The following ARSG variants were observed in gnomAD, a reference collection of about 807,000 sequenced individuals.
ARSG encodes arylsulfatase G.
A neutral mutation model predicts 50.5 loss-of-function variants in ARSG; 37 were observed. The ratio of observed to expected loss-of-function variants is 0.73; its 90% CI spans 0.56 to 0.96. The LOEUF (loss-of-function observed/expected upper bound fraction) is 0.96, where lower values mean the gene tolerates loss of function less well. Ranked by LOEUF, ARSG falls within the 50% of genes least tolerant of loss-of-function variation. The pLI is 0.00. For missense variants in ARSG, 629 were observed against 675.3 expected, an observed-to-expected ratio of 0.93 and a Z score of 0.76; for synonymous variants, 225 against 254.6, an observed-to-expected ratio of 0.88 and a Z score of 1.11.
chr17:68,285,281 C>T (rs901230711), intron 1 of ARSG, among the ~76,000 whole-genome samples: 1 of 152,140 alleles, frequency 6.6e-6, no homozygotes, highest in African/African-American at 2.4e-5. Context: ...GGCTCAGGAC[C>T]ACCTTGAAAC....
intron 11 of ARSG, among the ~76,000 whole-genome samples, chr17:68,408,129 T>C (rs2081819025): frequency 6.6e-6 from 1 of 152,022 alleles, no homozygotes. Flanking sequence ...ATTTCTTTTT[T>C]TATTATTATT....
intron 1 of ARSG, among the ~76,000 whole-genome samples, chr17:68,299,266 G>C (rs781975280): frequency 2.0e-5 from 3 of 151,696 alleles, no homozygotes; most frequent in Non-Finnish European, 4.4e-5. Flanking sequence ...CACCACGCCC[G>C]GCTAATTTTT....
the ARSG span, among the ~76,000 whole-genome samples, chr17:68,445,685 G>C: frequency 6.6e-6 from 1 of 152,168 alleles, no homozygotes; most frequent in African/African-American, 2.4e-5. Flanking sequence ...CAGGCCACAG[G>C]GTTGATGTAT....
chr17:68,392,558 G>A (rs1300358725), intron 9 of ARSG, among the ~76,000 whole-genome samples: 2 of 152,152 alleles, frequency 1.3e-5, no homozygotes, highest in East Asian at 1.9e-4. Flanking sequence ...GGAGTGCAGT[G>A]GTGCAATCTC....
chr17:68,280,262 CA>C (rs1555752267), intron 1 of ARSG, among the ~76,000 whole-genome samples: 2 of 149,160 alleles, frequency 1.3e-5, no homozygotes, highest in Non-Finnish European at 3.0e-5. Context: ...ATACCAATGA[CA>C]TTCTTCACAG....
At chr17:68,335,981 C>T (rs1287285655) in intron 2 of ARSG, among the ~76,000 whole-genome samples, 4 of 152,192 alleles carry the variant, frequency 2.6e-5, no homozygotes, top group African/African-American at 9.7e-5. Flanking sequence ...TCACTGCAAC[C>T]TCTGCCTCCC....
chr17:68,366,326 A>T (rs2079545998), intron 6 of ARSG, among the ~76,000 whole-genome samples: 1 of 152,186 alleles, frequency 6.6e-6, no homozygotes, highest in South Asian at 2.1e-4. Flanking sequence ...CTGGTTTGCA[A>T]AATACTTGAA....
intron 1 of ARSG, among the ~76,000 whole-genome samples, chr17:68,283,404 C>T (rs1324692105): frequency 6.6e-6 from 1 of 152,068 alleles, no homozygotes; most frequent in East Asian, 1.9e-4. Context: ...GCCTGTAGTC[C>T]CAGCTACTCC....
intron 9 of ARSG, among the ~76,000 whole-genome samples, chr17:68,386,593 G>A (rs1160465714): frequency 6.6e-6 from 1 of 152,126 alleles, no homozygotes; most frequent in Non-Finnish European, 1.5e-5. Flanking sequence ...GGTACCAGCA[G>A]GTGTGACAAC....
chr17:68,281,527 A>T (rs1555752815), intron 1 of ARSG, among the ~76,000 whole-genome samples: 1 of 152,192 alleles, frequency 6.6e-6, no homozygotes, highest in African/African-American at 2.4e-5. Flanking sequence ...GTGAGCCGAG[A>T]TCGTGCCACT....
rs1373095966 is a variant in ARSG at position 68,381,948 on chromosome 17, TTTTC to T, written c.983-3107_983-3104del. 1.3e-5 allele frequency among the ~76,000 whole-genome samples: 2 copies of T among 150,890 alleles called. No individual in the cohort carries two copies. Among genetic ancestry groups the T allele is most frequent in the African/African-American group, 2.4e-5 (1 of 41,212 alleles). Reference sequence around the variant, plus strand: ...CGGCGTTCACATCTTGGCTCTATCATTTTCTTTCTTTCCTTTTTTTTTTTTTGAC... The same window carrying T: ...CGGCGTTCACATCTTGGCTCTATCATTTTCTTTCCTTTTTTTTTTTTTGAC... On this transcript the variant is annotated intron_variant, in intron 8 of 11. Coordinates refer to ENST00000621439, the MANE Select transcript of ARSG (RefSeq NM_001267727.2). The surrounding 1 kb of genome is among the most constrained non-coding windows in gnomAD (Gnocchi z 4.1).
At chr17:68,406,448 C>T (rs571786030) in intron 11 of ARSG, among the ~76,000 whole-genome samples, 14 of 152,286 alleles carry the variant, frequency 9.2e-5, no homozygotes, top group Admixed American at 2.6e-4. Flanking sequence ...GCTTTTAGTT[C>T]TTTAAGGAAT....
chr17:68,379,919 A>G (rs2080347881), intron 8 of ARSG: 1 of 952,110 alleles, frequency 1.1e-6, no homozygotes, highest in African/African-American at 1.8e-5. Flanking sequence ...ACACTGTCTT[A>G]TATAACTGTT....
At chr17:68,287,275 C>T (rs184159062), upstream of ARSG, among the ~76,000 whole-genome samples, 22 of 152,096 alleles carry the variant, frequency 1.4e-4, no homozygotes, top group Non-Finnish European at 2.5e-4. Context: ...AGTATCTAAA[C>T]GATAGTGCTG....
chr17:68,383,723 C>T (rs1048142388), intron 8 of ARSG, among the ~76,000 whole-genome samples: 15 of 152,056 alleles, frequency 9.9e-5, no homozygotes, highest in African/African-American at 3.1e-4. Context: ...GTTCCAAGTG[C>T]GTGAATAAAT....
Position 68,271,826 on chromosome 17 carries a change from CAG to C in ARSG, c.-552+12403_-552+12404del, listed in dbSNP as rs1402040489. On this transcript the variant is annotated intron_variant, in intron 1 of 11. Coordinates refer to the ARSG transcript ENST00000448504. This position sits in a 1 kb window ranked among gnomAD's most constrained non-coding sequence, Gnocchi z 5.3. ...ATCTTTATTTATTTACTTTTTGAGA[CAG>C]AGTCTCACTCTGTCACCAGGCTGGA... Among the ~76,000 whole-genome samples, 4 of 152,160 alleles carry C rather than the reference CAG, an allele frequency of 2.6e-5. No individual in the cohort carries two copies. Among genetic ancestry groups the C allele is most frequent in the Non-Finnish European group, 5.9e-5 (4 of 68,030 alleles).
At position 68,368,552 on chromosome 17, in the gene ARSG, A is replaced by G. The variant is rs1402627106; in HGVS notation, c.709A>G (p.Ser237Gly). The change falls in exon 7 of 12, where the codon AGC becomes GGC. Residue 237 changes from serine to glycine, a missense_variant. Ser to Gly is a moderately conservative substitution (Grantham distance 56). Coordinates refer to ENST00000621439, the MANE Select transcript of ARSG (RefSeq NM_001267727.2). ...ATQFIQRASTSGRPFLLYVAL... is the reference protein window; with the variant it reads ...ATQFIQRASTGGRPFLLYVAL... ...CTCTTGGTTCTCCTGTTTCAGCACC[A>G]GCGGGAGGCCCTTCCTGCTCTATGT... is the stretch of plus-strand genomic sequence containing the variant. 1.2e-6 allele frequency: 2 copies of G among 1,613,366 alleles called. No individual in the cohort carries two copies. The highest frequency in any genetic ancestry group is 1.7e-6 in the Non-Finnish European group (2 of 1,179,922).
intron 2 of ARSG, among the ~76,000 whole-genome samples, chr17:68,331,568 C>T (rs1197837273): frequency 6.6e-6 from 1 of 152,090 alleles, no homozygotes; most frequent in Non-Finnish European, 1.5e-5. Context: ...CACTGTGTTG[C>T]TCAGGCTGGT....
In ARSG at chr17:68,396,002, G is replaced by GTT. The variant is rs757607546; in HGVS notation, c.1212+820_1212+821dup. On this transcript the variant is annotated intron_variant, in intron 10 of 11. Coordinates refer to ENST00000621439, the MANE Select transcript of ARSG (RefSeq NM_001267727.2). The stretch of plus-strand genomic sequence containing the variant: ...GGGCTCAGCACACTCTTGGCAGCCT[G>GTT]TTTTTTTTTTTTGTTTTTTTTTTTG... 9.6e-5 allele frequency among the ~76,000 whole-genome samples: 10 copies of GTT among 104,420 alleles called. 1 individual carries two copies. Among genetic ancestry groups the GTT allele is most frequent in the African/African-American group, 3.6e-4 (10 of 27,522 alleles). 68.5% of individuals were successfully genotyped at this position (104,420 alleles called of 152,430 possible).
Sources: allele counts gnomAD v4.1 joint callset (sites outside exome capture counted in the v4.1 genomes callset), GRCh38; gene constraint gnomAD v4.1.1; non-coding constraint Gnocchi (gnomAD v3.1); transcripts MANE v1.5; gene names NCBI Gene and HGNC (gene_info 2026-07-23, HGNC 2026-07-21).